ZFAND3: variants seen among roughly 807,000 people sequenced by gnomAD.
ZFAND3 encodes the protein AN1-type zinc finger protein 3.
ZFAND3 carries 10 observed loss-of-function variants against 29.6 expected under a neutral mutation model. That is an observed-to-expected ratio of 0.34 (90% CI 0.21 to 0.57). The LOEUF is 0.57. ZFAND3 is among the 20% of genes least tolerant of loss of function. The pLI, the probability that ZFAND3 is intolerant of heterozygous loss-of-function variation, is 0.86. For missense variants in ZFAND3, 230 were observed against 304.5 expected (o/e 0.76, Z 1.82); for synonymous variants, 128 against 112.6 (o/e 1.14, Z -0.87).
chr6:37,983,361 T>C (rs1434555695), intron 2 of ZFAND3, among the ~76,000 whole-genome samples: 2 of 136,552 alleles, frequency 1.5e-5, no homozygotes, highest in South Asian at 4.9e-4. Context: ...TTTTTTTTTT[T>C]TTTTTTTTTT....
intron 3 of ZFAND3, 59 bp downstream of exon 3, chr6:38,061,834 A>G (rs1764247301): frequency 6.4e-7 from 1 of 1,570,828 alleles, no homozygotes; most frequent in Middle Eastern, 1.7e-4. Flanking sequence ...TTAGATGAGC[A>G]TCTTGGTAAT....
intron 2 of ZFAND3, among the ~76,000 whole-genome samples, chr6:38,056,780 C>A (rs924159942): frequency 3.9e-5 from 6 of 152,280 alleles, no homozygotes; most frequent in Middle Eastern, 3.4e-3. Context: ...TGGAGACATT[C>A]CATTTCTGGG....
chr6:38,131,081 C>G (rs1305162805), intron 5 of ZFAND3, among the ~76,000 whole-genome samples: 1 of 152,050 alleles, frequency 6.6e-6, no homozygotes, highest in Non-Finnish European at 1.5e-5. Flanking sequence ...CTAGGTTTTT[C>G]TAGTTTATGT....
intron 1 of ZFAND3, among the ~76,000 whole-genome samples, chr6:37,852,183 C>T (rs1764293579): frequency 1.3e-5 from 2 of 152,126 alleles, no homozygotes; most frequent in South Asian, 4.1e-4. Flanking sequence ...GGGAGTTGGA[C>T]TAGGTAAGTG....
chr6:38,068,160 T>TA (rs1267720879), intron 3 of ZFAND3, among the ~76,000 whole-genome samples: 9 of 152,200 alleles, frequency 5.9e-5, no homozygotes, highest in African/African-American at 1.9e-4. Context: ...CATAAAACTA[T>TA]AGTTTACAAC....
At chr6:37,960,163 T>A (rs1042531789) in intron 2 of ZFAND3, among the ~76,000 whole-genome samples, 4 of 152,218 alleles carry the variant, frequency 2.6e-5, no homozygotes, top group African/African-American at 9.7e-5. Context: ...TACTTATTTT[T>A]CTGAGGATTA....
chr6:38,018,774 CA>C (rs1406038074), intron 2 of ZFAND3, among the ~76,000 whole-genome samples: 4 of 152,136 alleles, frequency 2.6e-5, no homozygotes, highest in African/African-American at 9.7e-5. Context: ...GTACTTTGTA[CA>C]TGCAAGATTA....
intron 1 of ZFAND3, among the ~76,000 whole-genome samples, chr6:37,893,158 A>G (rs1469744216): frequency 2.6e-5 from 4 of 152,196 alleles, no homozygotes; most frequent in South Asian, 4.1e-4. Context: ...TCACATTCCA[A>G]TATCTCTTAT....
At chr6:38,081,580 A>G (rs974214975) in intron 3 of ZFAND3, among the ~76,000 whole-genome samples, 5 of 152,154 alleles carry the variant, frequency 3.3e-5, no homozygotes, top group African/African-American at 9.7e-5. Context: ...AATGTGTAAC[A>G]TTTGCCTATG....
chr6:38,027,599 G>A (rs1705439282), intron 2 of ZFAND3, among the ~76,000 whole-genome samples: 1 of 152,194 alleles, frequency 6.6e-6, no homozygotes, highest in South Asian at 2.1e-4. Context: ...AACTTATCTA[G>A]CTTTCAGAAG....
chr6:38,101,571 C>G (rs1257809808), intron 4 of ZFAND3, among the ~76,000 whole-genome samples: 2 of 151,886 alleles, frequency 1.3e-5, no homozygotes, highest in Non-Finnish European at 2.9e-5. Flanking sequence ...GTCAGGAGTT[C>G]AAGACCAGCC....
At chr6:37,858,484 T>C (rs920729419) in intron 1 of ZFAND3, among the ~76,000 whole-genome samples, 1 of 152,198 alleles carries the variant, frequency 6.6e-6, no homozygotes, top group Non-Finnish European at 1.5e-5. Context: ...TTGAAATCCT[T>C]TTTGAGGCTT....
At position 37,985,105 on chromosome 6, in the gene ZFAND3, T is replaced by C. The variant is rs561866566; in HGVS notation, c.112+55106T>C. On this transcript the variant is annotated intron_variant, in intron 2 of 5. Transcript: ENST00000287218. Reference sequence around the variant, plus strand: ...CTATAAACTAGGCAATGAGTGTTTATTGAGCATCAGGTATGTAAGGCACTA... The same window carrying C: ...CTATAAACTAGGCAATGAGTGTTTACTGAGCATCAGGTATGTAAGGCACTA... 2.6e-5 allele frequency among the ~76,000 whole-genome samples: 4 copies of C among 152,336 alleles called. No homozygotes were observed. In the South Asian group the frequency reaches 6.2e-4, roughly 24 times the overall value.
chr6:38,069,577 T>C (rs1006947056), intron 3 of ZFAND3, among the ~76,000 whole-genome samples: 1 of 152,248 alleles, frequency 6.6e-6, no homozygotes, highest in Non-Finnish European at 1.5e-5. Context: ...CAAAGCATGC[T>C]GCTTTTATTA....
chr6:37,904,874 A>G (rs1373454529), intron 1 of ZFAND3, among the ~76,000 whole-genome samples: 1 of 152,150 alleles, frequency 6.6e-6, no homozygotes, highest in Non-Finnish European at 1.5e-5. Context: ...TTTAAAAACT[A>G]TTTGGGGTTA....
At chr6:38,101,175 A>T (rs185693870) in intron 4 of ZFAND3, among the ~76,000 whole-genome samples, 1 of 152,254 alleles carries the variant, frequency 6.6e-6, no homozygotes, top group Non-Finnish European at 1.5e-5. Context: ...GACAATTTTC[A>T]TAATAATGAT....
chr6:38,103,008 C>T (rs532709396), intron 4 of ZFAND3, among the ~76,000 whole-genome samples: 1 of 152,128 alleles, frequency 6.6e-6, no homozygotes, highest in South Asian at 2.1e-4. Context: ...CCACCTGCTG[C>T]GGCTTCCCAA....
chr6:37,990,989 C>G (rs1762749213), intron 2 of ZFAND3, among the ~76,000 whole-genome samples: 1 of 152,202 alleles, frequency 6.6e-6, no homozygotes, highest in Non-Finnish European at 1.5e-5. Context: ...AAAGTTCAGT[C>G]AGGGATAAGA....
At chr6:37,824,053 G>T (rs191853468) in intron 1 of ZFAND3, among the ~76,000 whole-genome samples, 108 of 152,294 alleles carry the variant, frequency 7.1e-4, no homozygotes, top group African/African-American at 2.4e-3. Context: ...TGGGATTACC[G>T]GCGTGAGCCA....
Sources: gnomAD v4.1 joint callset for allele counts (sites outside exome capture counted in the v4.1 genomes callset) on GRCh38, gnomAD v4.1.1 for gene constraint, MANE v1.5 for transcripts, NCBI Gene and HGNC (gene_info 2026-07-23, HGNC 2026-07-21) for gene names.